ZFAT: variants seen among roughly 807,000 people sequenced by gnomAD.
ZFAT encodes the protein zinc finger and AT-hook domain containing, also known as zinc finger protein ZFAT.
A neutral mutation model predicts 117.7 loss-of-function variants in ZFAT; 64 were observed. That is an observed-to-expected ratio of 0.54 (90% CI 0.44 to 0.67). The LOEUF is 0.67. ZFAT is among the 30% of genes least tolerant of loss of function. ZFAT has a pLI of 0.00. For synonymous variants in ZFAT, 679 were observed against 615.0 expected (o/e 1.10, Z -1.54); for missense variants, 1,433 against 1,584.5 (o/e 0.90, Z 1.62).
intron 5 of ZFAT, 129 bp from the exon 6 acceptor site, chr8:134,603,062 C>T: frequency 1.6e-6 from 2 of 1,246,492 alleles, no homozygotes; most frequent in Non-Finnish European, 1.1e-6. Flanking sequence ...TGGATGGGTG[C>T]AGTCACTCAC....
chr8:134,561,149 A>G (rs575098480), intron 11 of ZFAT, among the ~76,000 whole-genome samples: 2 of 152,392 alleles, frequency 1.3e-5, no homozygotes, highest in East Asian at 3.9e-4. Context: ...ATAACAACAG[A>G]AACTGGGAAT....
At chr8:134,693,779 G>T (rs1293335221) in intron 1 of ZFAT, among the ~76,000 whole-genome samples, 1 of 152,168 alleles carries the variant, frequency 6.6e-6, no homozygotes, top group Non-Finnish European at 1.5e-5. Context: ...GGAGTGAGGA[G>T]TAGCAGGATA....
chr8:134,527,918 A>G (rs1222155924), intron 12 of ZFAT, among the ~76,000 whole-genome samples: 1 of 152,186 alleles, frequency 6.6e-6, no homozygotes, highest in Non-Finnish European at 1.5e-5. Flanking sequence ...ATAGGGAAGG[A>G]CTTGCAAAGA....
At chr8:134,714,116 C>A (rs546704679), upstream of ZFAT, among the ~76,000 whole-genome samples, 486 of 141,912 alleles carry the variant, frequency 3.4e-3, 9 homozygotes, top group Middle Eastern at 0.021. Context: ...TGCCCCCCCC[C>A]CCCCAAAAAA....
chr8:134,570,168 G>T (rs1475070918), intron 10 of ZFAT, among the ~76,000 whole-genome samples: 1 of 152,106 alleles, frequency 6.6e-6, no homozygotes, highest in Non-Finnish European at 1.5e-5. Context: ...TCCCAGATAT[G>T]CTGTGCTCTG....
At chr8:134,773,113 TAGAAAA>T in the ZFAT span, among the ~76,000 whole-genome samples, 1 of 115,262 alleles carries the variant, frequency 8.7e-6, no homozygotes, top group African/African-American at 3.2e-5. Context: ...AAAAAAAAAA[TAGAAAA>T]AGAAAAAGAA....
chr8:134,667,401 G>C (rs1832282890), intron 1 of ZFAT, among the ~76,000 whole-genome samples: 1 of 151,064 alleles, frequency 6.6e-6, no homozygotes, highest in African/African-American at 2.4e-5. Flanking sequence ...GCTGAGGCAG[G>C]AGAATGGCAT....
intron 15 of ZFAT, among the ~76,000 whole-genome samples, chr8:134,496,286 C>G (rs1211799992): frequency 6.6e-6 from 1 of 152,256 alleles, no homozygotes; most frequent in Non-Finnish European, 1.5e-5. Flanking sequence ...AGGTCACACA[C>G]TATTATGTGA....
the ZFAT span, among the ~76,000 whole-genome samples, chr8:134,828,057 T>C: frequency 2.6e-5 from 4 of 152,226 alleles, no homozygotes; most frequent in African/African-American, 7.2e-5. Flanking sequence ...AAAATTGTAA[T>C]TGTGTCCTCA....
At chr8:134,608,587 G>T in intron 5 of ZFAT, 142 bp downstream of exon 5, 1 of 1,014,080 alleles carries the variant, frequency 9.9e-7, no homozygotes, top group Non-Finnish European at 1.4e-6. Flanking sequence ...TAATTCTACT[G>T]CTGAATCAAG....
the ZFAT span, among the ~76,000 whole-genome samples, chr8:134,772,560 G>A: frequency 6.6e-6 from 1 of 152,102 alleles, no homozygotes; most frequent in Non-Finnish European, 1.5e-5. Context: ...TTGTTAATGA[G>A]GGCTTAAAAA....
chr8:134,480,693 G>A lies in ZFAT; in HGVS notation c.3493-1972C>T, dbSNP rs998675026. On this transcript the variant is annotated intron_variant, in intron 15 of 15. Coordinates refer to ENST00000377838, the MANE Select transcript of ZFAT (RefSeq NM_020863.4). ...CCATGACTCCCAGGAGGTGTAGGGAGCAGCAAGTGTGTTCGGGCAGCCTCC... is the reference window on the plus strand; with the variant it reads ...CCATGACTCCCAGGAGGTGTAGGGAACAGCAAGTGTGTTCGGGCAGCCTCC... Among the ~76,000 whole-genome samples, 6 of 152,134 alleles carry A rather than the reference G, an allele frequency of 3.9e-5. No homozygotes were observed. In the South Asian group the frequency reaches 6.2e-4, roughly 16 times the overall value.
chr8:134,769,198 C>T, the ZFAT span, among the ~76,000 whole-genome samples: 1 of 152,074 alleles, frequency 6.6e-6, no homozygotes, highest in Non-Finnish European at 1.5e-5. Flanking sequence ...CCAAAAAAGG[C>T]CACAGTCCAA....
chr8:134,632,581 AT>A (rs890617812), intron 3 of ZFAT, among the ~76,000 whole-genome samples: 3 of 152,050 alleles, frequency 2.0e-5, no homozygotes, highest in Non-Finnish European at 2.9e-5. Context: ...AAACAGAAGC[AT>A]TTTTTTTAAA....
the ZFAT span, among the ~76,000 whole-genome samples, chr8:134,813,474 C>T: frequency 2.0e-5 from 3 of 152,144 alleles, no homozygotes; most frequent in African/African-American, 4.8e-5. Context: ...AGTGCAATGG[C>T]GCAATCTCAG....
chr8:134,715,796 A>G (rs1563783729), upstream of ZFAT, among the ~76,000 whole-genome samples: 1 of 152,240 alleles, frequency 6.6e-6, no homozygotes, highest in Non-Finnish European at 1.5e-5. Context: ...TAGTTATATA[A>G]GAAATATAAT....
At chr8:134,555,884 A>G (rs1823554392) in intron 11 of ZFAT, among the ~76,000 whole-genome samples, 1 of 151,224 alleles carries the variant, frequency 6.6e-6, no homozygotes, top group Admixed American at 6.6e-5. Context: ...CTACAAAAAG[A>G]AAGTGCTACA....
At chr8:134,667,796 C>A (rs185258491) in intron 1 of ZFAT, among the ~76,000 whole-genome samples, 52 of 152,064 alleles carry the variant, frequency 3.4e-4, no homozygotes, top group African/African-American at 1.3e-3. Flanking sequence ...GAGTGTGAGC[C>A]GAAGCAGGGC....
chr8:134,663,499 G>A (rs1401784415), intron 1 of ZFAT, among the ~76,000 whole-genome samples: 2 of 151,942 alleles, frequency 1.3e-5, no homozygotes, highest in Admixed American at 6.6e-5. Context: ...AGCACTTCGG[G>A]AGGGCAAGGT....
Sources: allele counts gnomAD v4.1 joint callset (sites outside exome capture counted in the v4.1 genomes callset), GRCh38; gene constraint gnomAD v4.1.1; transcripts MANE v1.5; gene names NCBI Gene and HGNC (gene_info 2026-07-23, HGNC 2026-07-21).